Variants in RAB20 observed in about 807,000 individuals in gnomAD.
RAB20 encodes the protein ras-related protein Rab-20.
A neutral mutation model predicts 3.7 loss-of-function variants in RAB20; 2 were observed. The observed-to-expected ratio is 0.54, with a 90% CI of 0.22 to 1.69. The LOEUF is 1.69. Ranked by LOEUF, RAB20 falls within the 40% of genes most tolerant of loss-of-function variation. The probability of loss-of-function intolerance (pLI) is 0.19; values close to 1 mark genes in which losing one functional copy is unlikely to be tolerated. For synonymous variants in RAB20, 126 were observed against 130.8 expected, an observed-to-expected ratio of 0.96 and a Z score of 0.25; for missense variants, 276 against 311.9, an observed-to-expected ratio of 0.88 and a Z score of 0.87.
At chr13:110,560,879 C>T (rs1421748078) in intron 1 of RAB20, among the ~76,000 whole-genome samples, 9 of 152,100 alleles carry the variant, frequency 5.9e-5, no homozygotes, top group Non-Finnish European at 4.4e-5. Context: ...TTTATTTCCT[C>T]TCTCCTGACT....
At chr13:110,528,480 G>A (rs1335989080) in intron 1 of RAB20, among the ~76,000 whole-genome samples, 1 of 150,072 alleles carries the variant, frequency 6.7e-6, no homozygotes, top group Non-Finnish European at 1.5e-5. Flanking sequence ...ACAGTACTAA[G>A]ACTTTTGTTT....
intron 1 of RAB20, among the ~76,000 whole-genome samples, chr13:110,554,521 C>G (rs1378523223): frequency 6.6e-6 from 1 of 152,218 alleles, no homozygotes; most frequent in Non-Finnish European, 1.5e-5. Context: ...GCCACCTGGG[C>G]TCTGCCTCAG....
intron 1 of RAB20, among the ~76,000 whole-genome samples, chr13:110,532,479 C>T (rs1463559051): frequency 6.6e-6 from 1 of 151,710 alleles, no homozygotes; most frequent in Non-Finnish European, 1.5e-5. Context: ...AGGGTTCAAG[C>T]AATTCTCCTG....
intron 1 of RAB20, among the ~76,000 whole-genome samples, chr13:110,551,420 A>T (rs1884948576): frequency 6.6e-6 from 1 of 152,254 alleles, no homozygotes; most frequent in Non-Finnish European, 1.5e-5. Context: ...CAAATCGTAC[A>T]TCAGGGCTCA....
rs1287449505 is a variant in RAB20, at chr13:110,555,956, C to A, written c.172+5392G>T. Among the ~76,000 whole-genome samples the A allele has an allele frequency of 5.3e-5, 8 of 152,228 alleles. No homozygotes were observed. The highest frequency in any genetic ancestry group is 2.6e-4 in the Admixed American group (4 of 15,282). The stretch of plus-strand genomic sequence containing the variant: ...TAACCTCAGTGACAGGCACCCAAGG[C>A]CAGGAGACAATGTTTGTTTAGCAAA... On this transcript the variant is annotated intron_variant, in intron 1 of 1. Transcript: ENST00000267328. This position sits in a 1 kb window ranked among gnomAD's most constrained non-coding sequence, Gnocchi z 4.0.
chr13:110,544,794 A>G (rs1013983518), intron 1 of RAB20, among the ~76,000 whole-genome samples: 1 of 152,220 alleles, frequency 6.6e-6, no homozygotes, highest in Non-Finnish European at 1.5e-5. Context: ...CACACCCTCA[A>G]ATCTCAAGTA....
At chr13:110,557,758 G>A (rs544817817) in intron 1 of RAB20, among the ~76,000 whole-genome samples, 1 of 152,340 alleles carries the variant, frequency 6.6e-6, no homozygotes, top group African/African-American at 2.4e-5. Flanking sequence ...CAAGGGCCAG[G>A]TGCTGGGGAT....
chr13:110,546,612 G>A (rs1884852815), intron 1 of RAB20, among the ~76,000 whole-genome samples: 2 of 152,076 alleles, frequency 1.3e-5, no homozygotes, highest in Admixed American at 6.5e-5. Flanking sequence ...GCCACTAAGC[G>A]TGTGTCATGG....
intron 1 of RAB20, among the ~76,000 whole-genome samples, chr13:110,542,710 C>T (rs1014784679): frequency 1.3e-5 from 2 of 152,278 alleles, no homozygotes; most frequent in African/African-American, 2.4e-5. Context: ...TTTCTTGATC[C>T]GTGCACATCA....
chr13:110,531,965 T>C (rs1884548408), intron 1 of RAB20, among the ~76,000 whole-genome samples: 1 of 152,192 alleles, frequency 6.6e-6, no homozygotes, highest in Non-Finnish European at 1.5e-5. Context: ...GTGCTTTCCA[T>C]TTCACTCTTC....
In RAB20 at chr13:110,535,966, A is replaced by G. The variant is rs143336112; in HGVS notation, c.173-11769T>C. ...CTCTGGCACCCATGAATGTGGCCTC[A>G]TTTGGAAACAGGGTCTCTGCAGAAG... On this transcript the variant is annotated intron_variant, in intron 1 of 1. Transcript: ENST00000267328. Among the ~76,000 whole-genome samples the G allele has an allele frequency of 8.5e-3, 1,296 of 152,366 alleles. 16 individuals carry two copies. The highest frequency in any genetic ancestry group is 0.03 in the African/African-American group (1,234 of 41,588).
intron 1 of RAB20, among the ~76,000 whole-genome samples, chr13:110,530,939 C>T (rs944460150): frequency 1.1e-4 from 16 of 152,236 alleles, no homozygotes; most frequent in Non-Finnish European, 4.4e-5. Context: ...TCTGTCTAAA[C>T]AAGAGAAATG....
At chr13:110,536,878 C>A (rs1024351989) in intron 1 of RAB20, among the ~76,000 whole-genome samples, 4 of 151,196 alleles carry the variant, frequency 2.6e-5, no homozygotes, top group African/African-American at 7.3e-5. Context: ...GTGCTGCACC[C>A]ATTAACTCAT....
intron 1 of RAB20, among the ~76,000 whole-genome samples, chr13:110,550,412 G>C (rs1263202539): frequency 1.3e-5 from 2 of 152,196 alleles, no homozygotes; most frequent in African/African-American, 4.8e-5. Context: ...GAAGCCGGTG[G>C]ATCAGAAATT....
chr13:110,539,947 G>C (rs562785537), intron 1 of RAB20, among the ~76,000 whole-genome samples: 1 of 152,334 alleles, frequency 6.6e-6, no homozygotes, highest in South Asian at 2.1e-4. Flanking sequence ...AATAAAGCAA[G>C]TGTCATACGC....
At chr13:110,549,327 T>C (rs1315671117) in intron 1 of RAB20, among the ~76,000 whole-genome samples, 1 of 152,254 alleles carries the variant, frequency 6.6e-6, no homozygotes, top group Non-Finnish European at 1.5e-5. Flanking sequence ...GCTGAATTCT[T>C]GAATGCAGAT....
At chr13:110,538,625 A>C (rs1283523722) in intron 1 of RAB20, among the ~76,000 whole-genome samples, 1 of 79,598 alleles carries the variant, frequency 1.3e-5, no homozygotes, top group East Asian at 4.5e-4. Context: ...AAAAGAAAGA[A>C]AAGAAAAGAA....
rs956135702 is a variant in RAB20, at chr13:110,556,873, T to C, written c.172+4475A>G. On this transcript the variant is annotated intron_variant, in intron 1 of 1. Coordinates refer to ENST00000267328, the MANE Select transcript of RAB20 (RefSeq NM_017817.3). ...AGTAACTAATTTGTTATAGCAGCAA[T>C]AGGAAACTGACACAGACTTTGGAAC... 2.6e-5 allele frequency among the ~76,000 whole-genome samples: 4 copies of C among 152,142 alleles called. No individual in the cohort carries two copies. In the East Asian group the frequency reaches 7.7e-4, roughly 29 times the overall value.
At chr13:110,551,866 A>T (rs1023405099) in intron 1 of RAB20, among the ~76,000 whole-genome samples, 2 of 150,240 alleles carry the variant, frequency 1.3e-5, no homozygotes, top group South Asian at 4.2e-4. Flanking sequence ...CGATATCTTG[A>T]GCCCAGGAGT....
Sources: gnomAD v4.1 joint callset for allele counts (sites outside exome capture counted in the v4.1 genomes callset) on GRCh38, gnomAD v4.1.1 for gene constraint, Gnocchi (gnomAD v3.1) non-coding constraint, MANE v1.5 for transcripts, NCBI Gene and HGNC (gene_info 2026-07-23, HGNC 2026-07-21) for gene names.